The following TRDN variants were observed in gnomAD, a reference collection of about 807,000 sequenced individuals.
TRDN encodes the protein triadin in skeletal muscle.
TRDN carries 161 observed loss-of-function variants against 149.7 expected under a neutral mutation model. That is an observed-to-expected ratio of 1.08 (90% CI 0.95 to 1.23). The LOEUF is 1.23. TRDN is among the 50% of genes most tolerant of loss of function. The pLI, the probability that TRDN is intolerant of heterozygous loss-of-function variation, is 0.00. For synonymous variants in TRDN, 294 were observed against 250.5 expected (o/e 1.17, Z -1.64); for missense variants, 896 against 823.5 (o/e 1.09, Z -1.08).
At chr6:123,237,465 G>T (rs943879061) in intron 38 of TRDN, among the ~76,000 whole-genome samples, 1 of 152,064 alleles carries the variant, frequency 6.6e-6, no homozygotes, top group African/African-American at 2.4e-5. Flanking sequence ...GGCCGGGCTG[G>T]TCTCGAACTC....
intron 12 of TRDN, among the ~76,000 whole-genome samples, chr6:123,425,063 G>A (rs967304522): frequency 1.3e-5 from 2 of 152,048 alleles, no homozygotes; most frequent in Admixed American, 6.6e-5. Flanking sequence ...GGAAAGTTCA[G>A]CTACTAAACA....
At chr6:123,256,408 G>A (rs534211740) in intron 35 of TRDN, among the ~76,000 whole-genome samples, 17 of 152,064 alleles carry the variant, frequency 1.1e-4, no homozygotes, top group African/African-American at 2.7e-4. Flanking sequence ...TTGAGGAATC[G>A]CCACACTGTC....
At chr6:123,423,736 T>C (rs1007600723) in intron 12 of TRDN, among the ~76,000 whole-genome samples, 3 of 152,188 alleles carry the variant, frequency 2.0e-5, no homozygotes, top group Non-Finnish European at 2.9e-5. Flanking sequence ...TTTAAACTTC[T>C]ACCTTAATAT....
rs537282147 is a variant in TRDN, at chr6:123,585,568, C to A, written c.23-14436G>T. ...GCAGCGTCAGTCTTCAGCCGCTAAGCCAAGAAGATCTGGGAAGGAGTCTGA... is the reference window on the plus strand; with the variant it reads ...GCAGCGTCAGTCTTCAGCCGCTAAGACAAGAAGATCTGGGAAGGAGTCTGA... On this transcript the variant is annotated intron_variant, in intron 1 of 40. Coordinates refer to ENST00000334268, the MANE Select transcript of TRDN (RefSeq NM_006073.4). Among the ~76,000 whole-genome samples the A allele has an allele frequency of 5.0e-4, 76 of 152,258 alleles. 1 individual carries two copies. In the South Asian group the frequency reaches 0.015, roughly 30 times the overall value.
In TRDN at chr6:123,269,742, C is replaced by T. The variant is rs893908971; in HGVS notation, c.1738+107G>A. The T allele has an allele frequency of 2.8e-6, 3 of 1,071,172 alleles. No homozygotes were observed. The African/African-American group carries it at 4.8e-5, about 17-fold the overall frequency. 66.4% of individuals were successfully genotyped at this position (1,071,172 alleles called of 1,614,324 possible). ...AATTTATTATTAACAGTTATTTAGA[C>T]ACAGACAACACTGAAAATAACATTT... On this transcript the variant is annotated intron_variant, in intron 31 of 40. Transcript: ENST00000334268.
chr6:123,471,523 C>T (rs2114735355), intron 9 of TRDN: 1 of 152,134 alleles, frequency 6.6e-6, no homozygotes, highest in African/African-American at 2.4e-5. Flanking sequence ...CATGAATTGG[C>T]TATGTGACCC....
At chr6:123,482,733 C>G (rs1375460053) in intron 9 of TRDN, among the ~76,000 whole-genome samples, 2 of 152,120 alleles carry the variant, frequency 1.3e-5, no homozygotes, top group Non-Finnish European at 2.9e-5. Context: ...TATTTGCACT[C>G]ACTTCCTATA....
At chr6:123,285,358 A>G (rs2114639877) in intron 24 of TRDN, among the ~76,000 whole-genome samples, 1 of 152,250 alleles carries the variant, frequency 6.6e-6, no homozygotes, top group South Asian at 2.1e-4. Context: ...GACCAATGGG[A>G]AAGAATAGAG....
intron 14 of TRDN, among the ~76,000 whole-genome samples, chr6:123,383,291 T>C (rs4897208): frequency 0.37 from 56,426 of 151,864 alleles, 10,975 homozygotes; most frequent in Middle Eastern, 0.43. Flanking sequence ...GCCAGTAACA[T>C]TGTGGTGAAG....
At chr6:123,449,122 G>A (rs1209291158) in intron 10 of TRDN, among the ~76,000 whole-genome samples, 1 of 152,004 alleles carries the variant, frequency 6.6e-6, no homozygotes, top group Non-Finnish European at 1.5e-5. Flanking sequence ...AAATGAGAAG[G>A]AACCAGAAAA....
chr6:123,418,986 A>G (rs1293781220), intron 12 of TRDN, among the ~76,000 whole-genome samples: 1 of 152,112 alleles, frequency 6.6e-6, no homozygotes, highest in East Asian at 1.9e-4. Context: ...AGATTCTGGT[A>G]TTCTAAACCT....
intron 9 of TRDN, chr6:123,471,352 A>G (rs1468273082): frequency 1.3e-5 from 2 of 152,210 alleles, no homozygotes; most frequent in African/African-American, 4.8e-5. Context: ...CTCTTGCATT[A>G]TGTAGTTTTC....
At chr6:123,498,486 A>T in intron 8 of TRDN, 1 of 467,688 alleles carries the variant, frequency 2.1e-6, no homozygotes, top group South Asian at 1.6e-5. Context: ...AAGTTCCAAA[A>T]ATTTAGATGT....
intron 23 of TRDN, among the ~76,000 whole-genome samples, chr6:123,321,051 C>G (rs1779224806): frequency 6.6e-6 from 1 of 152,060 alleles, no homozygotes; most frequent in African/African-American, 2.4e-5. Flanking sequence ...GCAGTGTTAT[C>G]TCTGGTCAAC....
At chr6:123,459,202 G>A (rs968097260) in intron 10 of TRDN, among the ~76,000 whole-genome samples, 3 of 152,146 alleles carry the variant, frequency 2.0e-5, no homozygotes, top group Non-Finnish European at 4.4e-5. Flanking sequence ...TGCCTGACAT[G>A]TGGTCTCCAT....
intron 31 of TRDN, among the ~76,000 whole-genome samples, chr6:123,269,619 AT>A (rs1174130064): frequency 2.0e-5 from 3 of 151,954 alleles, no homozygotes; most frequent in Non-Finnish European, 4.4e-5. Context: ...ATCATTAATT[AT>A]TAATCATTAA....
intron 9 of TRDN, among the ~76,000 whole-genome samples, chr6:123,482,669 A>G (rs1017663294): frequency 6.6e-6 from 1 of 152,184 alleles, no homozygotes; most frequent in African/African-American, 2.4e-5. Context: ...TTAAATCATC[A>G]ATTTGTTTCT....
chr6:123,561,087 G>GA (rs1781969260), intron 2 of TRDN, among the ~76,000 whole-genome samples: 1 of 152,146 alleles, frequency 6.6e-6, no homozygotes, highest in Non-Finnish European at 1.5e-5. Flanking sequence ...ACTTTCACTG[G>GA]ATGGGTAGAG....
rs930862671 is a variant in TRDN, at chr6:123,505,703, CT to C, written c.611-1803del. 2.4e-3 allele frequency among the ~76,000 whole-genome samples: 353 copies of C among 145,436 alleles called. 1 individual carries two copies. Among genetic ancestry groups the C allele is most frequent in the Admixed American group, 2.4e-3 (35 of 14,426 alleles). ...AAATATTACTCAATTACTCTATAAA[CT>C]TTTTTTTTTTTTTGAGATGAAGTCT... On this transcript the variant is annotated intron_variant, in intron 7 of 40. Coordinates refer to ENST00000334268, the MANE Select transcript of TRDN (RefSeq NM_006073.4).
Sources: allele counts gnomAD v4.1 joint callset (sites outside exome capture counted in the v4.1 genomes callset), GRCh38; gene constraint gnomAD v4.1.1; transcripts MANE v1.5; gene names NCBI Gene and HGNC (gene_info 2026-07-23, HGNC 2026-07-21).